CABLES1: variants seen among roughly 807,000 people sequenced by gnomAD.
CABLES1 encodes the protein CDK5 and ABL1 enzyme substrate 1.
A neutral mutation model predicts 57.8 loss-of-function variants in CABLES1; 36 were observed. The observed-to-expected ratio is 0.62, with a 90% CI of 0.48 to 0.82. The LOEUF (loss-of-function observed/expected upper bound fraction) is 0.82. Among genes scored for constraint, CABLES1 ranks in the 40% least tolerant of loss-of-function variants. CABLES1 has a pLI of 0.00. For synonymous variants in CABLES1, 374 were observed against 363.0 expected (o/e 1.03, Z -0.35); for missense variants, 767 against 836.6 (o/e 0.92, Z 1.03).
At chr18:23,209,805 A>G (rs2047391489) in intron 3 of CABLES1, among the ~76,000 whole-genome samples, 1 of 152,014 alleles carries the variant, frequency 6.6e-6, no homozygotes, top group Non-Finnish European at 1.5e-5. Flanking sequence ...CTGGTGAGAG[A>G]CATTGCCAGT....
At chr18:23,220,080 G>A (rs1272033446) in intron 4 of CABLES1, among the ~76,000 whole-genome samples, 1 of 152,106 alleles carries the variant, frequency 6.6e-6, no homozygotes, top group East Asian at 1.9e-4. Flanking sequence ...GCTGATAAGG[G>A]ATCGGCCTCA....
chr18:23,239,337 C>A (rs2047679346), intron 7 of CABLES1, among the ~76,000 whole-genome samples: 1 of 152,236 alleles, frequency 6.6e-6, no homozygotes, highest in Non-Finnish European at 1.5e-5. Flanking sequence ...TGCGCATGGA[C>A]TGCATTTTCC....
intron 1 of CABLES1, among the ~76,000 whole-genome samples, chr18:23,157,674 TTCTTAA>T (rs1025062634): frequency 1.5e-5 from 1 of 65,522 alleles, no homozygotes; most frequent in African/African-American, 4.8e-5. Context: ...TTATTATCTC[TTCTTAA>T]TAATTTCTAT....
intron 4 of CABLES1, among the ~76,000 whole-genome samples, chr18:23,217,298 G>C (rs796222013): frequency 6.6e-6 from 1 of 152,120 alleles, no homozygotes; most frequent in Non-Finnish European, 1.5e-5. Context: ...GCCCAGACTG[G>C]TCTCAAACTC....
At chr18:23,177,670 T>C (rs2047134499) in intron 1 of CABLES1, among the ~76,000 whole-genome samples, 1 of 152,058 alleles carries the variant, frequency 6.6e-6, no homozygotes, top group Non-Finnish European at 1.5e-5. Flanking sequence ...CCCAGTTCTG[T>C]CCTGTCCTGT....
chr18:23,141,139 T>A (rs2046855418), intron 1 of CABLES1, among the ~76,000 whole-genome samples: 1 of 152,218 alleles, frequency 6.6e-6, no homozygotes, highest in Non-Finnish European at 1.5e-5. Flanking sequence ...CCCACTATGA[T>A]GATTTGTTCC....
At chr18:23,202,984 CA>C (rs34495738) in intron 3 of CABLES1, among the ~76,000 whole-genome samples, 18,881 of 115,096 alleles carry the variant, frequency 0.16, 1,632 homozygotes, top group Admixed American at 0.31. Context: ...AAGACTCCAT[CA>C]AAAAAAAAAA....
Position 23,252,963 on chromosome 18 carries a change from A to G in CABLES1, c.1450A>G (p.Thr484Ala), listed in dbSNP as rs1598885649. Reference sequence around the variant, plus strand: ...CGTGTTCCCCTGTCTGTTACAGACAACAGTGATTGACTACGTGAAGCCCTC... The same window carrying G: ...CGTGTTCCCCTGTCTGTTACAGACAGCAGTGATTGACTACGTGAAGCCCTC... ...RVLIFPSYMTTVIDYVKPSDL... is the reference protein window; with the variant it reads ...RVLIFPSYMTAVIDYVKPSDL... The change falls in exon 8 of 10, where the codon ACA becomes GCA. Residue 484 changes from threonine to alanine, a missense_variant. This residue lies in a region of CABLES1 where 529 missense variants were observed against 622.8 expected (regional missense o/e 0.85). Transcript: ENST00000256925. 6.2e-7 allele frequency: 1 copy of G among 1,605,240 alleles called. No homozygotes were observed. The highest frequency in any genetic ancestry group is 8.5e-7 in the Non-Finnish European group (1 of 1,171,972).
intron 1 of CABLES1, among the ~76,000 whole-genome samples, chr18:23,173,687 G>A (rs2047099724): frequency 6.6e-6 from 1 of 152,210 alleles, no homozygotes; most frequent in Admixed American, 6.5e-5. Flanking sequence ...TTTTGGCTGG[G>A]CGCAGTGGCT....
intron 1 of CABLES1, among the ~76,000 whole-genome samples, chr18:23,139,786 ACCTGGATCATTGATGT>A (rs577559753): frequency 9.1e-4 from 138 of 152,282 alleles, no homozygotes; most frequent in Non-Finnish European, 1.7e-3. Context: ...CAGGATAGGA[ACCTGGATCATTGATGT>A]CCAAGCTCTG....
chr18:23,251,445 C>A (rs116956160), intron 7 of CABLES1, among the ~76,000 whole-genome samples: 1 of 151,468 alleles, frequency 6.6e-6, no homozygotes, highest in African/African-American at 2.4e-5. Context: ...AGCATGACTC[C>A]GTCTCAAAAA....
At chr18:23,225,078 G>T (rs2047518572) in intron 4 of CABLES1, among the ~76,000 whole-genome samples, 1 of 152,012 alleles carries the variant, frequency 6.6e-6, no homozygotes, top group South Asian at 2.1e-4. Flanking sequence ...TGCTGCCCAG[G>T]CTGGTCTCAA....
chr18:23,213,951 T>C, intron 3 of CABLES1, 26 bp from the exon 4 acceptor site: 1 of 1,463,186 alleles, frequency 6.8e-7, no homozygotes, highest in South Asian at 1.2e-5. Flanking sequence ...GTGTGTTTGT[T>C]GTTTGTTCTT....
intron 7 of CABLES1, among the ~76,000 whole-genome samples, chr18:23,238,594 C>T (rs1038950413): frequency 5.3e-5 from 8 of 152,314 alleles, no homozygotes; most frequent in South Asian, 2.1e-4. Context: ...GAGGCAAGCA[C>T]GTAATAAGTG....
chr18:23,180,811 C>T (rs1462375898), intron 1 of CABLES1, among the ~76,000 whole-genome samples: 1 of 152,134 alleles, frequency 6.6e-6, no homozygotes, highest in Non-Finnish European at 1.5e-5. Context: ...AGCTGAACAC[C>T]ATTTCAAGAG....
At position 23,230,653 on chromosome 18, in the gene CABLES1, C is replaced by T. The variant is rs536824051; in HGVS notation, c.1089-3955C>T. ...AGTTTTGAAGTGTGACTAGCTTTGGCGTACAAGAAATACCTCATTTCTTCT... is the reference window on the plus strand; with the variant it reads ...AGTTTTGAAGTGTGACTAGCTTTGGTGTACAAGAAATACCTCATTTCTTCT... On this transcript the variant is annotated intron_variant, in intron 4 of 9. Transcript: ENST00000256925. Among the ~76,000 whole-genome samples the T allele has an allele frequency of 4.1e-4, 63 of 152,236 alleles. 1 individual carries two copies. The highest frequency in any genetic ancestry group is 2.5e-3 in the South Asian group (12 of 4,826).
At position 23,239,989 on chromosome 18, in the gene CABLES1, G is replaced by A. The variant is rs182137573; in HGVS notation, c.1446+2744G>A. Among the ~76,000 whole-genome samples the A allele has an allele frequency of 1.4e-3, 209 of 152,236 alleles. 2 individuals carry two copies. The highest frequency in any genetic ancestry group is 9.0e-3 in the Admixed American group (137 of 15,294). ...AAAAATTAGCCAGGTGTGGTGTTGC[G>A]CGCCTGTAGTCCCAGCTACTGGAGA... On this transcript the variant is annotated intron_variant, in intron 7 of 9. Transcript: ENST00000256925.
At chr18:23,159,263 C>T (rs1282391168) in intron 1 of CABLES1, among the ~76,000 whole-genome samples, 1 of 152,244 alleles carries the variant, frequency 6.6e-6, no homozygotes, top group Non-Finnish European at 1.5e-5. Flanking sequence ...CTGCACCCGG[C>T]CTGGTCAGGG....
intron 1 of CABLES1, among the ~76,000 whole-genome samples, chr18:23,165,787 T>C (rs1055199892): frequency 6.6e-6 from 1 of 152,242 alleles, no homozygotes; most frequent in African/African-American, 2.4e-5. Context: ...ACTTTTCAGC[T>C]CTTGTGAATG....
Sources: allele counts gnomAD v4.1 joint callset (sites outside exome capture counted in the v4.1 genomes callset), GRCh38; gene constraint gnomAD v4.1.1; regional missense constraint gnomAD v4.1.1; transcripts MANE v1.5; gene names NCBI Gene and HGNC (gene_info 2026-07-23, HGNC 2026-07-21).